Variants in TLK2 observed in about 807,000 individuals in gnomAD.
TLK2 encodes serine/threonine-protein kinase tousled-like 2.
In TLK2, 6 loss-of-function variants were observed where a neutral mutation model predicts 117.3. The observed-to-expected ratio is 0.05, with a 90% CI of 0.03 to 0.10. The LOEUF is 0.10. Ranked by LOEUF, TLK2 falls within the 10% of genes least tolerant of loss-of-function variation. The probability of loss-of-function intolerance (pLI) is 1.00; values close to 1 mark genes in which losing one functional copy is unlikely to be tolerated. For missense variants in TLK2, 299 were observed against 901.2 expected (o/e 0.33, Z 8.56); for synonymous variants, 257 against 316.7 (o/e 0.81, Z 2.00).
intron 6 of TLK2, among the ~76,000 whole-genome samples, chr17:62,532,228 T>C (rs1268016146): frequency 3.3e-5 from 5 of 152,316 alleles, no homozygotes; most frequent in African/African-American, 1.2e-4. Flanking sequence ...TGTATAGTTT[T>C]TTTCCCCCCC....
intron 16 of TLK2, among the ~76,000 whole-genome samples, chr17:62,588,449 G>C (rs1241735254): frequency 6.6e-6 from 1 of 152,178 alleles, no homozygotes; most frequent in Non-Finnish European, 1.5e-5. Context: ...CACGTGAAGG[G>C]GATGGTCCTA....
At chr17:62,584,110 T>G (rs959515322) in intron 15 of TLK2, among the ~76,000 whole-genome samples, 5 of 26,544 alleles carry the variant, frequency 1.9e-4, no homozygotes, top group African/African-American at 8.7e-4. Flanking sequence ...TTTTGTGGTT[T>G]TTTTTTTTTT....
At chr17:62,555,985 G>A (rs140538868) in intron 9 of TLK2, among the ~76,000 whole-genome samples, 2,456 of 152,032 alleles carry the variant, frequency 0.016, 32 homozygotes, top group Non-Finnish European at 0.028. Flanking sequence ...AATTTTTTGA[G>A]ACAGAGTCTC....
chr17:62,571,776 G>A (rs768601930), intron 11 of TLK2, among the ~76,000 whole-genome samples: 1 of 152,028 alleles, frequency 6.6e-6, no homozygotes, highest in Non-Finnish European at 1.5e-5. Context: ...TCTGCTTGTC[G>A]TTCTTCCACG....
chr17:62,501,631 A>G (rs2074205508), intron 2 of TLK2, among the ~76,000 whole-genome samples: 1 of 152,014 alleles, frequency 6.6e-6, no homozygotes, highest in South Asian at 2.1e-4. Context: ...GAGAATCTGA[A>G]TAACCCCATA....
intron 17 of TLK2, among the ~76,000 whole-genome samples, chr17:62,598,770 GCCTGGGCCTCC>G (rs2082667434): frequency 6.6e-6 from 1 of 151,870 alleles, no homozygotes; most frequent in Non-Finnish European, 1.5e-5. Flanking sequence ...TGATCCGCCC[GCCTGGGCCTCC>G]CAAAGTCCTG....
At chr17:62,485,938 A>G (rs1013287352) in intron 2 of TLK2, among the ~76,000 whole-genome samples, 2 of 148,428 alleles carry the variant, frequency 1.3e-5, no homozygotes, top group African/African-American at 5.0e-5. Flanking sequence ...CTCCTGCCTC[A>G]GCCTCCCGAG....
chr17:62,523,121 G>T lies in TLK2; in HGVS notation c.224-13G>T, dbSNP rs1296703113. The T allele has an allele frequency of 1.3e-6, 2 of 1,587,816 alleles. No individual in the cohort carries two copies. The highest frequency in any genetic ancestry group is 1.7e-6 in the Non-Finnish European group (2 of 1,172,844). ...TATTGGAAAAACTGTATTTACTTTG[G>T]TTTCATTTTCAGGGAAAGGCACTCC... is the stretch of plus-strand genomic sequence containing the variant. On this transcript the variant is annotated splice_polypyrimidine_tract_variant and intron_variant, in intron 4 of 21. Transcript: ENST00000346027.
chr17:62,496,824 G>A lies in TLK2; in HGVS notation c.81+15618G>A, dbSNP rs555484995. Among the ~76,000 whole-genome samples, 33 of 151,954 alleles carry A rather than the reference G, an allele frequency of 2.2e-4. 1 individual carries two copies. The East Asian group carries it at 6.4e-3, about 29-fold the overall frequency. On this transcript the variant is annotated intron_variant, in intron 2 of 21. Coordinates refer to ENST00000346027, the MANE Select transcript of TLK2 (RefSeq NM_006852.6). ...CAAAAAAAATTAGCTGGGCATGGTG[G>A]CAGGCGCCTGTAGTCCCAGCTACTC... is the stretch of plus-strand genomic sequence containing the variant.
intron 2 of TLK2, among the ~76,000 whole-genome samples, chr17:62,492,252 A>G (rs1363373079): frequency 2.0e-5 from 3 of 152,208 alleles, no homozygotes; most frequent in Non-Finnish European, 4.4e-5. Context: ...TTTTGGGAAC[A>G]TGGGTTGCAT....
chr17:62,478,649 C>G (rs2071208120), upstream of TLK2, among the ~76,000 whole-genome samples: 1 of 150,554 alleles, frequency 6.6e-6, no homozygotes, highest in African/African-American at 2.4e-5. Context: ...AGCGCGGCCG[C>G]TGATTGGAGA....
At chr17:62,574,508 A>C in intron 12 of TLK2, 1 of 691,758 alleles carries the variant, frequency 1.4e-6, no homozygotes, top group Non-Finnish European at 2.4e-6. Flanking sequence ...TATAACTCCA[A>C]ATTTTGTTGT....
intron 7 of TLK2, among the ~76,000 whole-genome samples, chr17:62,538,136 C>T (rs1244679631): frequency 2.7e-5 from 4 of 147,680 alleles, no homozygotes; most frequent in East Asian, 4.1e-4. Flanking sequence ...CTCGGGTTCA[C>T]GCCATTCTCC....
In TLK2 at chr17:62,611,572, A is replaced by G. The variant is rs1159770581; in HGVS notation, c.2080-820A>G. Among the ~76,000 whole-genome samples the G allele has an allele frequency of 2.0e-5, 3 of 152,252 alleles. No individual in the cohort carries two copies. The East Asian group carries it at 5.8e-4, about 29-fold the overall frequency. On this transcript the variant is annotated intron_variant, in intron 21 of 21. Transcript: ENST00000346027. ...CGAGAGAGCCAATGAACCTATCTGT[A>G]CCGACACATCACATCCTTGTCACCC...
chr17:62,516,808 G>A, intron 2 of TLK2: 2 of 1,249,204 alleles, frequency 1.6e-6, no homozygotes, highest in Admixed American at 2.0e-5. Context: ...TGGAAAGCTA[G>A]TTTTAGTTCT....
In TLK2 at chr17:62,565,119, C is replaced by G. The variant is rs2079645739; in HGVS notation, c.950C>G (p.Ala317Gly). 6.2e-7 allele frequency: 1 copy of G among 1,607,812 alleles called. No homozygotes were observed. Among genetic ancestry groups the G allele is most frequent in the African/African-American group, 1.3e-5 (1 of 74,506 alleles). ...ACTGAACAGTGGACAGATGGTTATG[C>G]TTTTCAGAATCTTATCAAGTAAGTG... ...SFTEQWTDGY[A>G]FQNLIKQQER... Residue 317 changes from alanine to glycine, a missense_variant, in exon 11 of 22, where the codon GCT becomes GGT. By Grantham distance (60) the Ala-to-Gly change is moderately conservative (BLOSUM62 0). Transcript: ENST00000346027.
chr17:62,476,772 C>T (rs2071057705), upstream of TLK2, among the ~76,000 whole-genome samples: 1 of 151,856 alleles, frequency 6.6e-6, no homozygotes, highest in Non-Finnish European at 1.5e-5. Flanking sequence ...CGATTTAAGA[C>T]ATTAAATCAT....
rs117533714 is a variant in TLK2, at chr17:62,586,841, T to C, written c.1460+615T>C. Among the ~76,000 whole-genome samples the C allele has an allele frequency of 7.0e-3, 995 of 142,246 alleles. 87 individuals are homozygous for C. In the East Asian group the frequency reaches 0.19, roughly 27 times the overall value. 93.3% of individuals were successfully genotyped at this position (142,246 alleles called of 152,430 possible). ...GACTGCATCTCAAAAAAAAAAAAAATTGTTGCTTGTCTATAGAAACTAGAC... is the reference window on the plus strand; with the variant it reads ...GACTGCATCTCAAAAAAAAAAAAAACTGTTGCTTGTCTATAGAAACTAGAC... On this transcript the variant is annotated intron_variant, in intron 16 of 21. Coordinates refer to ENST00000346027, the MANE Select transcript of TLK2 (RefSeq NM_006852.6).
intron 2 of TLK2, chr17:62,508,646 A>C (rs1300041647): frequency 2.4e-6 from 2 of 831,168 alleles, no homozygotes; most frequent in African/African-American, 3.7e-5. Flanking sequence ...GATACTAGGA[A>C]TTAATACTGA....
Sources: gnomAD v4.1 joint callset for allele counts (sites outside exome capture counted in the v4.1 genomes callset) on GRCh38, gnomAD v4.1.1 for gene constraint, MANE v1.5 for transcripts, NCBI Gene and HGNC (gene_info 2026-07-23, HGNC 2026-07-21) for gene names.